Variants in ERBB4 observed in about 807,000 individuals in gnomAD.
ERBB4 encodes erb-b2 receptor tyrosine kinase 4.
In ERBB4, 42 loss-of-function variants were observed where a neutral mutation model predicts 158.0. That is an observed-to-expected ratio of 0.27 (90% CI 0.21 to 0.34). ERBB4 has a LOEUF of 0.34. ERBB4 is among the 10% of genes least tolerant of loss of function. The probability of loss-of-function intolerance (pLI) is 1.00; values close to 1 mark genes in which losing one functional copy is unlikely to be tolerated. For synonymous variants in ERBB4, 583 were observed against 558.7 expected (o/e 1.04, Z -0.61); for missense variants, 1,333 against 1,624.1 (o/e 0.82, Z 3.08).
chr2:212,220,927 C>T (rs1306626817), intron 1 of ERBB4, among the ~76,000 whole-genome samples: 1 of 151,470 alleles, frequency 6.6e-6, no homozygotes, highest in Non-Finnish European at 1.5e-5. Context: ...AGGTCTCTGG[C>T]TTCTATAAAA....
chr2:212,217,022 G>C (rs538523682), intron 1 of ERBB4, among the ~76,000 whole-genome samples: 6 of 151,470 alleles, frequency 4.0e-5, no homozygotes, highest in Non-Finnish European at 7.4e-5. Flanking sequence ...CAAGGCATCT[G>C]GTCTGTAATG....
intron 2 of ERBB4, among the ~76,000 whole-genome samples, chr2:212,027,065 C>T (rs2076789780): frequency 6.6e-6 from 1 of 151,832 alleles, no homozygotes; most frequent in African/African-American, 2.4e-5. Context: ...ATTCAAGTCA[C>T]ATCAAGGTTA....
chr2:211,474,155 G>A (rs950052477), intron 20 of ERBB4, among the ~76,000 whole-genome samples: 2 of 151,996 alleles, frequency 1.3e-5, no homozygotes, highest in Non-Finnish European at 2.9e-5. Context: ...CTTTTATTAT[G>A]TTGCTCCAGG....
intron 1 of ERBB4, among the ~76,000 whole-genome samples, chr2:212,246,838 A>C (rs2084328113): frequency 6.6e-6 from 1 of 152,142 alleles, no homozygotes; most frequent in African/African-American, 2.4e-5. Flanking sequence ...ATGTGACTAA[A>C]TTTCTTCAGG....
At chr2:211,915,041 G>C (rs1385827034) in intron 3 of ERBB4, among the ~76,000 whole-genome samples, 2 of 152,132 alleles carry the variant, frequency 1.3e-5, no homozygotes, top group Non-Finnish European at 1.5e-5. Context: ...GAGAAGCAGA[G>C]ACAAAGATTT....
intron 4 of ERBB4, among the ~76,000 whole-genome samples, chr2:211,756,704 A>C (rs1446563625): frequency 6.6e-6 from 1 of 152,222 alleles, no homozygotes; most frequent in Admixed American, 6.5e-5. Context: ...CCTAGTTTTA[A>C]AAAGCACTTC....
chr2:211,703,166 G>A (rs1017849217), intron 11 of ERBB4, among the ~76,000 whole-genome samples: 3 of 151,918 alleles, frequency 2.0e-5, no homozygotes, highest in African/African-American at 7.3e-5. Context: ...TAAAGACTAA[G>A]ATGTAACTCT....
At position 212,074,779 on chromosome 2, in the gene ERBB4, G is replaced by C. The variant is rs566644507; in HGVS notation, c.234+49973C>G. ...AACAGTCGTTCTGGGAGGGTTCCAG[G>C]AATTTATATTTTAAACAGCTAGTAG... On this transcript the variant is annotated intron_variant, in intron 2 of 27. Coordinates refer to ENST00000342788, the MANE Select transcript of ERBB4 (RefSeq NM_005235.3). Among the ~76,000 whole-genome samples the C allele has an allele frequency of 5.3e-5, 8 of 152,028 alleles. No homozygotes were observed. In the South Asian group the frequency reaches 1.7e-3, roughly 32 times the overall value.
chr2:212,392,804 G>A (rs565786802), intron 1 of ERBB4, among the ~76,000 whole-genome samples: 3 of 152,030 alleles, frequency 2.0e-5, no homozygotes, highest in South Asian at 4.2e-4. Context: ...AACAAACTAT[G>A]AGCTGTGAGC....
chr2:212,112,686 C>T (rs1459012939), intron 2 of ERBB4, among the ~76,000 whole-genome samples: 1 of 152,074 alleles, frequency 6.6e-6, no homozygotes, highest in East Asian at 1.9e-4. Flanking sequence ...TGAATAACAA[C>T]ACTTATTCAT....
intron 1 of ERBB4, among the ~76,000 whole-genome samples, chr2:212,279,310 T>C (rs1430274256): frequency 6.6e-6 from 1 of 151,502 alleles, no homozygotes; most frequent in African/African-American, 2.4e-5. Context: ...CTACTGAAAT[T>C]TACTTATTTT....
intron 8 of ERBB4, among the ~76,000 whole-genome samples, chr2:211,712,847 A>G (rs1475402163): frequency 3.3e-5 from 5 of 152,042 alleles, no homozygotes; most frequent in African/African-American, 1.2e-4. Flanking sequence ...AGAAAACATC[A>G]TCTAAAAGTA....
chr2:211,449,948 C>T (rs1321699495), intron 20 of ERBB4, among the ~76,000 whole-genome samples: 2 of 152,128 alleles, frequency 1.3e-5, no homozygotes, highest in African/African-American at 2.4e-5. Flanking sequence ...ACTCATCTAG[C>T]GCTTGCTAAA....
chr2:211,970,480 A>G (rs2081420796), intron 2 of ERBB4, among the ~76,000 whole-genome samples: 1 of 152,152 alleles, frequency 6.6e-6, no homozygotes, highest in Admixed American at 6.5e-5. Context: ...GTGAGGTGTT[A>G]AAGTCTCCCA....
chr2:211,587,159 C>T (rs2068306516), intron 19 of ERBB4, among the ~76,000 whole-genome samples: 1 of 151,504 alleles, frequency 6.6e-6, no homozygotes, highest in Non-Finnish European at 1.5e-5. Context: ...CAAGACCAGC[C>T]TGGCCAAGAT....
intron 1 of ERBB4, among the ~76,000 whole-genome samples, chr2:212,331,641 T>C (rs1358517909): frequency 3.3e-5 from 5 of 151,964 alleles, no homozygotes; most frequent in African/African-American, 1.2e-4. Context: ...CAAACTCAAA[T>C]TATTATCAAA....
At chr2:212,503,447 G>A (rs1300010426) in intron 1 of ERBB4, among the ~76,000 whole-genome samples, 1 of 152,168 alleles carries the variant, frequency 6.6e-6, no homozygotes, top group Non-Finnish European at 1.5e-5. Context: ...CATAAAGACA[G>A]AAAATCCAAA....
chr2:212,283,604 G>A (rs894021612), intron 1 of ERBB4, among the ~76,000 whole-genome samples: 2 of 151,810 alleles, frequency 1.3e-5, no homozygotes, highest in African/African-American at 4.8e-5. Context: ...AATGGAAAAT[G>A]ATTCATGCAA....
intron 1 of ERBB4, among the ~76,000 whole-genome samples, chr2:212,265,120 G>T (rs1288467728): frequency 2.6e-5 from 4 of 152,070 alleles, no homozygotes; most frequent in Non-Finnish European, 5.9e-5. Flanking sequence ...TCAGTGCTCA[G>T]GACACTACAC....
Sources: allele counts gnomAD v4.1 joint callset (sites outside exome capture counted in the v4.1 genomes callset), GRCh38; gene constraint gnomAD v4.1.1; transcripts MANE v1.5; gene names NCBI Gene and HGNC (gene_info 2026-07-23, HGNC 2026-07-21).